Variants in DSCAM observed in about 807,000 individuals in gnomAD.
The protein encoded by DSCAM is DS cell adhesion molecule.
A neutral mutation model predicts 217.7 loss-of-function variants in DSCAM; 47 were observed. That is an observed-to-expected ratio of 0.22 (90% CI 0.17 to 0.28). The LOEUF (loss-of-function observed/expected upper bound fraction) is 0.28. Among genes scored for constraint, DSCAM ranks in the 10% least tolerant of loss-of-function variants. The probability of loss-of-function intolerance (pLI) is 1.00; values close to 1 mark genes in which losing one functional copy is unlikely to be tolerated. For missense variants in DSCAM, 2,080 were observed against 2,618.3 expected, an observed-to-expected ratio of 0.79 and a Z score of 4.49; for synonymous variants, 1,056 against 1,015.3, an observed-to-expected ratio of 1.04 and a Z score of -0.76.
In DSCAM at chr21:40,144,934, C is replaced by T. The variant is rs1416703245; in HGVS notation, c.3019-203G>A. On this transcript the variant is annotated intron_variant, in intron 16 of 32. Coordinates refer to ENST00000400454, the MANE Select transcript of DSCAM (RefSeq NM_001389.5). The surrounding 1 kb of genome is among the most constrained non-coding windows in gnomAD (Gnocchi z 4.8). The stretch of plus-strand genomic sequence containing the variant: ...CCCTTCCTTTACCTGTGAATGCATC[C>T]GGCCCTCCCAGCCCCTCTGAGCCAC... Among the ~76,000 whole-genome samples the T allele has an allele frequency of 6.6e-6, 1 of 152,104 alleles. No individual in the cohort carries two copies. The highest frequency in any genetic ancestry group is 6.5e-5 in the Admixed American group (1 of 15,282).
chr21:40,708,019 T>C (rs2090736017), intron 2 of DSCAM, among the ~76,000 whole-genome samples: 1 of 152,230 alleles, frequency 6.6e-6, no homozygotes, highest in African/African-American at 2.4e-5. Context: ...TCTGTTTCCA[T>C]AACAGTACAT....
intron 8 of DSCAM, among the ~76,000 whole-genome samples, chr21:40,336,973 T>C (rs1601562287): frequency 6.6e-6 from 1 of 152,324 alleles, no homozygotes; most frequent in East Asian, 1.9e-4. Flanking sequence ...TCTCAAGACA[T>C]ATGGTTATTA....
intron 11 of DSCAM, among the ~76,000 whole-genome samples, chr21:40,266,238 G>A (rs72495588): frequency 0.061 from 6,020 of 98,410 alleles, 345 homozygotes; most frequent in East Asian, 0.23. Flanking sequence ...GGCCAAAAAC[G>A]TGTGAAAAAA....
intron 1 of DSCAM, among the ~76,000 whole-genome samples, chr21:40,816,762 T>C (rs1418270474): frequency 6.6e-6 from 1 of 152,214 alleles, no homozygotes; most frequent in Non-Finnish European, 1.5e-5. Context: ...GTCTTCAAAA[T>C]GAATCTATTT....
intron 32 of DSCAM, among the ~76,000 whole-genome samples, chr21:40,032,747 T>G (rs2088551637): frequency 6.6e-6 from 1 of 152,192 alleles, no homozygotes; most frequent in Non-Finnish European, 1.5e-5. Flanking sequence ...TGTTTTTTAT[T>G]GAAATTGCTG....
At chr21:40,817,710 G>A (rs534393866) in intron 1 of DSCAM, among the ~76,000 whole-genome samples, 9 of 152,280 alleles carry the variant, frequency 5.9e-5, no homozygotes, top group African/African-American at 2.2e-4. Context: ...GCCATTTAGG[G>A]ACTTTCAAAT....
At chr21:40,595,462 T>A (rs1359174259) in intron 3 of DSCAM, among the ~76,000 whole-genome samples, 1 of 151,942 alleles carries the variant, frequency 6.6e-6, no homozygotes, top group African/African-American at 2.4e-5. Context: ...AAAGAGAAAT[T>A]GCTAGGGAAA....
intron 3 of DSCAM, among the ~76,000 whole-genome samples, chr21:40,496,249 C>T (rs1025750613): frequency 1.3e-5 from 2 of 152,108 alleles, no homozygotes; most frequent in African/African-American, 4.8e-5. Context: ...TTGGAAGCAT[C>T]ACACTACTTG....
chr21:40,045,915 A>G (rs2146485020), intron 30 of DSCAM, among the ~76,000 whole-genome samples: 1 of 152,350 alleles, frequency 6.6e-6, no homozygotes, highest in Non-Finnish European at 1.5e-5. Context: ...AGAGCCTACA[A>G]TAATCCCTGA....
intron 11 of DSCAM, among the ~76,000 whole-genome samples, chr21:40,193,721 A>G (rs1364690750): frequency 3.3e-5 from 5 of 152,178 alleles, no homozygotes; most frequent in African/African-American, 1.2e-4. Flanking sequence ...AGGATTTCCT[A>G]TTTTGCAGTG....
chr21:40,245,459 G>C (rs190261984), intron 11 of DSCAM, among the ~76,000 whole-genome samples: 2 of 152,296 alleles, frequency 1.3e-5, no homozygotes. Flanking sequence ...AGCTTGCTGG[G>C]TGATTTCGCA....
chr21:40,623,277 G>A (rs2089548124), intron 3 of DSCAM, among the ~76,000 whole-genome samples: 1 of 152,094 alleles, frequency 6.6e-6, no homozygotes, highest in Non-Finnish European at 1.5e-5. Flanking sequence ...TCATACTGGA[G>A]GTTAAGAGGC....
Position 40,401,043 on chromosome 21 carries a change from T to C in DSCAM, c.509-31798A>G, listed in dbSNP as rs553662517. On this transcript the variant is annotated intron_variant, in intron 3 of 32. Coordinates refer to ENST00000400454, the MANE Select transcript of DSCAM (RefSeq NM_001389.5). ...AATTTTTGTTTGAAAAATTTTACCATTGAATCAAATACTGTTGGTTATTTT... is the reference window on the plus strand; with the variant it reads ...AATTTTTGTTTGAAAAATTTTACCACTGAATCAAATACTGTTGGTTATTTT... Among the ~76,000 whole-genome samples, 12 of 152,356 alleles carry C rather than the reference T, an allele frequency of 7.9e-5. 1 individual carries two copies. Among genetic ancestry groups the C allele is most frequent in the African/African-American group, 2.4e-4 (10 of 41,590 alleles).
intron 3 of DSCAM, among the ~76,000 whole-genome samples, chr21:40,524,935 G>A (rs1359186645): frequency 6.7e-6 from 1 of 149,926 alleles, no homozygotes; most frequent in African/African-American, 2.5e-5. Flanking sequence ...GCTTGAACCC[G>A]GGAGGTGGAG....
At chr21:40,155,823 G>A (rs1041299978) in intron 16 of DSCAM, among the ~76,000 whole-genome samples, 36 of 151,976 alleles carry the variant, frequency 2.4e-4, no homozygotes, top group East Asian at 2.0e-4. Flanking sequence ...ATGCTCTGGA[G>A]GCATCCTGGA....
chr21:40,785,147 C>A (rs2091581747), intron 1 of DSCAM, among the ~76,000 whole-genome samples: 1 of 152,164 alleles, frequency 6.6e-6, no homozygotes, highest in Admixed American at 6.5e-5. Context: ...TTGCATTGAG[C>A]CACAAACATA....
chr21:40,639,727 G>A (rs2146338827), intron 3 of DSCAM, among the ~76,000 whole-genome samples: 1 of 152,062 alleles, frequency 6.6e-6, no homozygotes, highest in South Asian at 2.1e-4. Context: ...TAGCTAGGCT[G>A]TGGTTCCAAA....
At chr21:40,306,143 G>C (rs1031704877) in intron 9 of DSCAM, among the ~76,000 whole-genome samples, 1 of 151,300 alleles carries the variant, frequency 6.6e-6, no homozygotes, top group East Asian at 1.9e-4. Context: ...AGTTCTCCTT[G>C]AAGAGGTCCT....
intron 3 of DSCAM, among the ~76,000 whole-genome samples, chr21:40,604,457 T>C (rs1026323942): frequency 2.6e-4 from 39 of 152,204 alleles, no homozygotes; most frequent in Non-Finnish European, 2.9e-5. Flanking sequence ...TGTCTCTTCA[T>C]ATGTATTTTT....
Sources: allele counts gnomAD v4.1 joint callset (sites outside exome capture counted in the v4.1 genomes callset), GRCh38; gene constraint gnomAD v4.1.1; non-coding constraint Gnocchi (gnomAD v3.1); transcripts MANE v1.5; gene names NCBI Gene and HGNC (gene_info 2026-07-23, HGNC 2026-07-21).